Variants in VPS13C observed in about 807,000 individuals in gnomAD.
VPS13C encodes the protein intermembrane lipid transfer protein VPS13C.
A neutral mutation model predicts 456.8 loss-of-function variants in VPS13C; 358 were observed. The ratio of observed to expected loss-of-function variants is 0.78; its 90% CI spans 0.72 to 0.86. The LOEUF (loss-of-function observed/expected upper bound fraction) is 0.86. VPS13C is among the 40% of genes least tolerant of loss of function. The pLI is 0.00. For missense variants in VPS13C, 4,818 were observed against 4,385.4 expected (o/e 1.10, Z -2.79); for synonymous variants, 1,578 against 1,486.7 (o/e 1.06, Z -1.41).
chr15:62,041,782 T>TGCA (rs2048251791), intron 2 of VPS13C, among the ~76,000 whole-genome samples: 1 of 151,922 alleles, frequency 6.6e-6, no homozygotes, highest in Non-Finnish European at 1.5e-5. Flanking sequence ...ATCGCGCCAC[T>TGCA]GCACTCCAGC....
At chr15:62,018,565 T>C (rs1453255948) in intron 9 of VPS13C, among the ~76,000 whole-genome samples, 1 of 151,848 alleles carries the variant, frequency 6.6e-6, no homozygotes, top group African/African-American at 2.4e-5. Flanking sequence ...TTGTCTTTGG[T>C]TCTGTTTATA....
Position 61,867,986 on chromosome 15 carries a change from C to T in VPS13C, c.10863+673G>A. 2.9e-6 allele frequency: 4 copies of T among 1,363,168 alleles called. No homozygotes were observed. The South Asian group carries it at 3.6e-5, about 12-fold the overall frequency. The allele number at this position is 1,363,168 out of a possible 1,614,324, so 84.4% of individuals were successfully genotyped here. On this transcript the variant is annotated intron_variant, in intron 81 of 84. Coordinates refer to ENST00000644861, the MANE Select transcript of VPS13C (RefSeq NM_020821.3). This position sits in a 1 kb window ranked among gnomAD's most constrained non-coding sequence, Gnocchi z 5.0. ...AAAACAAAGAAAATAAAGTTAGAAGCATGCAGAAAGATAGATAAAACGTAA... is the reference window on the plus strand; with the variant it reads ...AAAACAAAGAAAATAAAGTTAGAAGTATGCAGAAAGATAGATAAAACGTAA...
chr15:62,000,500 T>A lies in VPS13C; in HGVS notation c.1353+64A>T, dbSNP rs1359016650. 5 of 1,450,958 alleles carry A rather than the reference T, an allele frequency of 3.4e-6. No individual in the cohort carries two copies. The Admixed American group carries it at 1.0e-4, about 29-fold the overall frequency. 89.9% of individuals were successfully genotyped at this position (1,450,958 alleles called of 1,614,324 possible). ...ACCTCGTGAAACTTCAATTTCTTGA[T>A]CCTAGGTTTAAAAGCGGGCATTAAC... On this transcript the variant is annotated intron_variant, in intron 16 of 84. Coordinates refer to ENST00000644861, the MANE Select transcript of VPS13C (RefSeq NM_020821.3).
At chr15:61,978,110 ATAAT>A (rs1016929779) in intron 23 of VPS13C, among the ~76,000 whole-genome samples, 6 of 152,076 alleles carry the variant, frequency 3.9e-5, no homozygotes, top group Admixed American at 3.3e-4. Context: ...CTTTTGGAAA[ATAAT>A]TAAGTTAATT....
intron 66 of VPS13C, 49 bp downstream of exon 66, chr15:61,907,215 C>G (rs552530424): frequency 5.6e-6 from 9 of 1,610,318 alleles, no homozygotes; most frequent in Non-Finnish European, 1.7e-6. Context: ...TTCTCTACTT[C>G]CTTCACTGTC....
At chr15:61,919,597 T>A in intron 57 of VPS13C, 148 bp from the exon 58 acceptor site, 3 of 859,866 alleles carry the variant, frequency 3.5e-6, no homozygotes, top group Non-Finnish European at 4.7e-6. Context: ...GACATAAACT[T>A]AAAAAGAAGA....
At chr15:61,889,730 G>A (rs1284394355) in intron 67 of VPS13C, among the ~76,000 whole-genome samples, 3 of 152,044 alleles carry the variant, frequency 2.0e-5, no homozygotes, top group Non-Finnish European at 4.4e-5. Flanking sequence ...ATTTGTTTCT[G>A]TTGGTTTCCC....
chr15:61,925,194 A>G (rs1025939532), intron 53 of VPS13C, among the ~76,000 whole-genome samples: 2 of 149,874 alleles, frequency 1.3e-5, no homozygotes, highest in African/African-American at 4.9e-5. Flanking sequence ...CAACCCCCAC[A>G]ACACACGCAT....
intron 42 of VPS13C, among the ~76,000 whole-genome samples, chr15:61,947,940 C>T (rs977655644): frequency 2.6e-5 from 4 of 152,112 alleles, no homozygotes; most frequent in Admixed American, 6.5e-5. Flanking sequence ...ATCAAACTAG[C>T]GCCCTAAATC....
rs778590341 is a variant in VPS13C at position 61,919,432 on chromosome 15, C to T, written c.7495G>A (p.Glu2499Lys). Reference sequence around the variant, plus strand: ...CTGGCCACAGGGATATTTGCAACTTCTGTATATCCATGAGGTACTAAGGCA... The same window carrying T: ...CTGGCCACAGGGATATTTGCAACTTTTGTATATCCATGAGGTACTAAGGCA... ...TLTIVPHGYT[E>K]VANIPVARPG... The change falls in exon 58 of 85, where the codon GAA (glutamate) becomes AAA (lysine). Residue 2499 changes from glutamate (E) to lysine (K), a missense_variant. Transcript: ENST00000644861. 2 of 1,586,192 alleles carry T rather than the reference C, an allele frequency of 1.3e-6. No individual in the cohort carries two copies. The highest frequency in any genetic ancestry group is 1.7e-6 in the Non-Finnish European group (2 of 1,169,666).
intron 15 of VPS13C, among the ~76,000 whole-genome samples, chr15:62,004,878 C>G (rs1298581413): frequency 1.3e-5 from 2 of 152,168 alleles, no homozygotes; most frequent in Non-Finnish European, 2.9e-5. Flanking sequence ...GCCCTGTGAT[C>G]TGAGAGATAG....
chr15:61,982,707 A>G (rs1287339585), intron 20 of VPS13C, 134 bp from the exon 21 acceptor site: 7 of 587,460 alleles, frequency 1.2e-5, no homozygotes, highest in African/African-American at 1.9e-5. Flanking sequence ...GTCCTACTAC[A>G]TCTCCCTTTG....
At chr15:62,016,057 C>T (rs2140533906) in intron 9 of VPS13C, among the ~76,000 whole-genome samples, 1 of 147,710 alleles carries the variant, frequency 6.8e-6, no homozygotes, top group East Asian at 2.0e-4. Flanking sequence ...CTCTGTTCTT[C>T]AATGCGATGT....
chr15:62,008,355 A>C (rs1248688507), intron 14 of VPS13C, among the ~76,000 whole-genome samples: 1 of 152,072 alleles, frequency 6.6e-6, no homozygotes, highest in African/African-American at 2.4e-5. Context: ...AGCCAAGATC[A>C]CATCACTGCA....
chr15:61,858,569 G>GAATATAT lies in VPS13C; in HGVS notation c.10953-2161_10953-2160insATATATT, dbSNP rs1894054515. Among the ~76,000 whole-genome samples the GAATATAT allele has an allele frequency of 2.0e-5, 3 of 152,116 alleles. No individual in the cohort carries two copies. The highest frequency in any genetic ancestry group is 2.9e-5 in the Non-Finnish European group (2 of 68,034). ...ACCCTGGTATATATCTCTGTATAGT[G>GAATATAT]CCCTGGACTTTGAATATAATGGATT... On this transcript the variant is annotated intron_variant, in intron 82 of 84. Transcript: ENST00000644861. This position sits in a 1 kb window ranked among gnomAD's most constrained non-coding sequence, Gnocchi z 4.4.
At position 61,882,694 on chromosome 15, in the gene VPS13C, G is replaced by C. The variant is rs115741196; in HGVS notation, c.9526C>G (p.Arg3176Gly). The C allele has an allele frequency of 1.9e-3, 3,008 of 1,594,844 alleles. 8 individuals carry two copies. The highest frequency in any genetic ancestry group is 9.7e-3 in the Middle Eastern group (58 of 5,992). The change falls in exon 69 of 85, where the codon CGT (arginine) becomes GGT (glycine). Residue 3176 changes from arginine to glycine, a missense_variant. Arg to Gly is a moderately radical substitution (Grantham distance 125). This residue lies in a region of VPS13C where 4,552 missense variants were observed against 4,130.6 expected (regional missense o/e 1.10). Transcript: ENST00000644861. ...AAAAAGTCTCGTTTAATAGGGCTAC[G>C]AATAGGGAGGCGCATTTCCATTGGA... is the stretch of plus-strand genomic sequence containing the variant. ...KDPMEMRLPI[R>G]SPIKRDFLSG...
chr15:62,031,738 C>T (rs1296434540), intron 5 of VPS13C, among the ~76,000 whole-genome samples: 1 of 151,872 alleles, frequency 6.6e-6, no homozygotes, highest in Admixed American at 6.6e-5. Flanking sequence ...GTTCTATTTA[C>T]ACAAAATTAA....
chr15:61,871,068 T>C (rs1057431536), intron 79 of VPS13C, among the ~76,000 whole-genome samples: 1 of 152,178 alleles, frequency 6.6e-6, no homozygotes, highest in East Asian at 1.9e-4. Context: ...CTTTTCCCTG[T>C]CTTCATGGTT....
chr15:61,892,923 T>C (rs1210530632), intron 66 of VPS13C, among the ~76,000 whole-genome samples: 1 of 152,146 alleles, frequency 6.6e-6, no homozygotes, highest in South Asian at 2.1e-4. Context: ...TAAGACAGGC[T>C]ATTGGAAAAT....
Sources: gnomAD v4.1 joint callset for allele counts (sites outside exome capture counted in the v4.1 genomes callset) on GRCh38, gnomAD v4.1.1 for gene constraint, gnomAD v4.1.1 regional missense constraint, Gnocchi (gnomAD v3.1) non-coding constraint, MANE v1.5 for transcripts, NCBI Gene and HGNC (gene_info 2026-07-23, HGNC 2026-07-21) for gene names.